NSMCE2: variants seen among roughly 807,000 people sequenced by gnomAD.
NSMCE2 encodes NSE2 SUMO ligase component of SMC5/6 complex.
NSMCE2 carries 24 observed loss-of-function variants against 23.8 expected under a neutral mutation model. The observed-to-expected ratio is 1.01, with a 90% CI of 0.73 to 1.42. The LOEUF (loss-of-function observed/expected upper bound fraction) is 1.42, where lower values mean the gene tolerates loss of function less well. NSMCE2 is among the 40% of genes most tolerant of loss of function. The probability of loss-of-function intolerance (pLI) is 0.00; values close to 1 mark genes in which losing one functional copy is unlikely to be tolerated. For missense variants in NSMCE2, 284 were observed against 296.5 expected (o/e 0.96, Z 0.31); for synonymous variants, 92 against 94.1 (o/e 0.98, Z 0.13).
chr8:125,338,369 T>C (rs1258677186), intron 5 of NSMCE2, among the ~76,000 whole-genome samples: 1 of 152,244 alleles, frequency 6.6e-6, no homozygotes, highest in Non-Finnish European at 1.5e-5. Context: ...AAAAGTTTCT[T>C]CCTGCAGGAT....
intron 5 of NSMCE2, among the ~76,000 whole-genome samples, chr8:125,307,271 A>T (rs1828803155): frequency 6.6e-6 from 1 of 152,248 alleles, no homozygotes; most frequent in African/African-American, 2.4e-5. Context: ...CTATGTTTAG[A>T]AATCTTCCAG....
At chr8:125,205,655 CT>C (rs761135017) in intron 5 of NSMCE2, among the ~76,000 whole-genome samples, 59 of 152,260 alleles carry the variant, frequency 3.9e-4, no homozygotes, top group Non-Finnish European at 6.9e-4. Context: ...GCGAGCTATT[CT>C]TTGTTTTTGT....
intron 5 of NSMCE2, among the ~76,000 whole-genome samples, chr8:125,192,895 C>A (rs1357678889): frequency 6.6e-6 from 1 of 152,154 alleles, no homozygotes; most frequent in African/African-American, 2.4e-5. Flanking sequence ...GCTGTCTTTT[C>A]AGTATCATTC....
chr8:125,354,386 G>A (rs1813165870), intron 5 of NSMCE2, among the ~76,000 whole-genome samples: 1 of 152,152 alleles, frequency 6.6e-6, no homozygotes, highest in African/African-American at 2.4e-5. Flanking sequence ...AATAAATCCA[G>A]CCCTACATAT....
intron 5 of NSMCE2, among the ~76,000 whole-genome samples, chr8:125,263,128 C>T (rs909384525): frequency 1.3e-5 from 2 of 152,072 alleles, no homozygotes; most frequent in African/African-American, 4.8e-5. Flanking sequence ...ATTAAATCAG[C>T]AAGTAATGAT....
chr8:125,261,597 T>C (rs750372096), intron 5 of NSMCE2, among the ~76,000 whole-genome samples: 1 of 152,184 alleles, frequency 6.6e-6, no homozygotes, highest in Non-Finnish European at 1.5e-5. Flanking sequence ...ACTTACACTT[T>C]GAATTTTTTC....
intron 5 of NSMCE2, among the ~76,000 whole-genome samples, chr8:125,296,960 G>A (rs1400437094): frequency 6.6e-6 from 1 of 152,046 alleles, no homozygotes; most frequent in Non-Finnish European, 1.5e-5. Context: ...TACTTATTTT[G>A]CATAGAAAAT....
At chr8:125,151,987 C>A (rs1219904625) in intron 4 of NSMCE2, among the ~76,000 whole-genome samples, 2 of 152,272 alleles carry the variant, frequency 1.3e-5, no homozygotes, top group East Asian at 3.9e-4. Context: ...TCGTTATTTG[C>A]CTTTTCTTAC....
intron 5 of NSMCE2, among the ~76,000 whole-genome samples, chr8:125,210,622 C>A (rs889243152): frequency 6.6e-6 from 1 of 152,072 alleles, no homozygotes; most frequent in Non-Finnish European, 1.5e-5. Context: ...CTAAAAATTG[C>A]CTCATTTTGT....
At chr8:125,244,498 T>C (rs1046388492) in intron 5 of NSMCE2, among the ~76,000 whole-genome samples, 2 of 152,162 alleles carry the variant, frequency 1.3e-5, no homozygotes, top group Admixed American at 1.3e-4. Context: ...ATGCAGTGAC[T>C]ACCCTATGTT....
chr8:125,204,778 C>T (rs117473134), intron 5 of NSMCE2, among the ~76,000 whole-genome samples: 2,352 of 152,240 alleles, frequency 0.015, 27 homozygotes, highest in Non-Finnish European at 0.024. Flanking sequence ...AAATCCCTAC[C>T]AGTCCCCTCT....
At chr8:125,267,551 TG>T (rs1364290454) in intron 5 of NSMCE2, among the ~76,000 whole-genome samples, 2 of 152,174 alleles carry the variant, frequency 1.3e-5, no homozygotes, top group Non-Finnish European at 2.9e-5. Context: ...TTTGGAAGGC[TG>T]AGGCGGGAGG....
At chr8:125,326,128 G>A (rs1468605061) in intron 5 of NSMCE2, among the ~76,000 whole-genome samples, 1 of 151,756 alleles carries the variant, frequency 6.6e-6, no homozygotes, top group Non-Finnish European at 1.5e-5. Flanking sequence ...GCGGTGGCAG[G>A]CGCCTGTAGT....
chr8:125,333,093 G>A (rs922629596), intron 5 of NSMCE2, among the ~76,000 whole-genome samples: 7 of 152,106 alleles, frequency 4.6e-5, no homozygotes, highest in African/African-American at 1.7e-4. Flanking sequence ...AAATAAAGGT[G>A]TCTTGGTCCC....
At chr8:125,106,847 T>C (rs1223545305) in intron 3 of NSMCE2, among the ~76,000 whole-genome samples, 1 of 149,040 alleles carries the variant, frequency 6.7e-6, no homozygotes, top group Non-Finnish European at 1.5e-5. Flanking sequence ...AATACAAAAA[T>C]TACCTGAGCG....
intron 4 of NSMCE2, among the ~76,000 whole-genome samples, chr8:125,158,209 C>T (rs1821423866): frequency 6.6e-6 from 1 of 152,078 alleles, no homozygotes; most frequent in Admixed American, 6.6e-5. Context: ...TGTCGAACTC[C>T]CTTCCAAAAT....
At chr8:125,157,573 A>G (rs1821391035) in intron 4 of NSMCE2, among the ~76,000 whole-genome samples, 1 of 152,206 alleles carries the variant, frequency 6.6e-6, no homozygotes, top group Non-Finnish European at 1.5e-5. Flanking sequence ...GTTCGGTAAC[A>G]TTTTGCCTAA....
rs549745439 is a variant in NSMCE2, at chr8:125,259,436, A to C, written c.418+77180A>C. Among the ~76,000 whole-genome samples the C allele has an allele frequency of 9.2e-5, 14 of 152,162 alleles. No individual in the cohort carries two copies. In the South Asian group the frequency reaches 2.9e-3, roughly 32 times the overall value. On this transcript the variant is annotated intron_variant, in intron 5 of 7. Coordinates refer to ENST00000287437, the MANE Select transcript of NSMCE2 (RefSeq NM_173685.4). Reference sequence around the variant, plus strand: ...GAAGCATGAGCCCTATTGGTTGTGCACTCCTTATGAAAATCTAACTAATGC... The same window carrying C: ...GAAGCATGAGCCCTATTGGTTGTGCCCTCCTTATGAAAATCTAACTAATGC...
intron 5 of NSMCE2, among the ~76,000 whole-genome samples, chr8:125,215,015 T>TATTTC (rs1824513230): frequency 8.6e-6 from 1 of 115,644 alleles, no homozygotes; most frequent in Non-Finnish European, 1.6e-5. Context: ...GTAACCACTT[T>TATTTC]ATTTTATTTT....
Sources: gnomAD v4.1 joint callset for allele counts (sites outside exome capture counted in the v4.1 genomes callset) on GRCh38, gnomAD v4.1.1 for gene constraint, MANE v1.5 for transcripts, NCBI Gene and HGNC (gene_info 2026-07-23, HGNC 2026-07-21) for gene names.